KLF13: variants seen among roughly 807,000 people sequenced by gnomAD.
The protein encoded by KLF13 is Krueppel-like factor 13.
Under a neutral mutation model 16.7 loss-of-function variants are expected in KLF13, and 8 were observed. The ratio of observed to expected loss-of-function variants is 0.48; its 90% CI spans 0.28 to 0.87. The LOEUF is 0.87. KLF13 is among the 40% of genes least tolerant of loss of function. The pLI is 0.10. For missense variants in KLF13, 447 were observed against 452.2 expected (o/e 0.99, Z 0.10); for synonymous variants, 245 against 208.4 (o/e 1.18, Z -1.51).
exon 1 of KLF13, chr15:31,392,978 G>A (rs993145615): frequency 1.3e-5 from 2 of 152,990 alleles, no homozygotes; most frequent in Admixed American, 6.5e-5. Context: ...GCAAAGCAGA[G>A]CCCCTTTCCA....
At chr15:31,341,172 A>G (rs1268473484) in intron 1 of KLF13, among the ~76,000 whole-genome samples, 2 of 152,148 alleles carry the variant, frequency 1.3e-5, no homozygotes, top group Non-Finnish European at 1.5e-5. Flanking sequence ...GTTCTTTGTT[A>G]TCTAAACAGA....
intron 1 of KLF13, among the ~76,000 whole-genome samples, chr15:31,353,765 TG>T (rs1364861099): frequency 1.3e-5 from 2 of 152,156 alleles, no homozygotes; most frequent in Non-Finnish European, 2.9e-5. Context: ...AGTGGCTCGC[TG>T]TGGCCAAGCC....
chr15:31,352,930 C>T (rs34038541), intron 1 of KLF13, among the ~76,000 whole-genome samples: 21 of 152,128 alleles, frequency 1.4e-4, no homozygotes, highest in Non-Finnish European at 2.6e-4. Flanking sequence ...GACCGTGGAG[C>T]ATGACGAGGC....
intron 1 of KLF13, among the ~76,000 whole-genome samples, chr15:31,412,469 C>T (rs969433705): frequency 3.3e-5 from 5 of 151,384 alleles, no homozygotes; most frequent in Admixed American, 1.3e-4. Context: ...CAAAAAAAAA[C>T]CACTATGAAA....
At chr15:31,379,180 G>A (rs923951412), downstream of KLF13, among the ~76,000 whole-genome samples, 1 of 152,174 alleles carries the variant, frequency 6.6e-6, no homozygotes, top group Admixed American at 6.5e-5. Context: ...TCATAGACTG[G>A]GGGGAGGGAG....
At chr15:31,425,833 C>A (rs955794392) in intron 1 of KLF13, among the ~76,000 whole-genome samples, 1 of 151,990 alleles carries the variant, frequency 6.6e-6, no homozygotes, top group Non-Finnish European at 1.5e-5. Flanking sequence ...GCTGAGATCG[C>A]GCCACTGCAC....
intron 1 of KLF13, among the ~76,000 whole-genome samples, chr15:31,353,294 C>T (rs572514766): frequency 1.1e-4 from 16 of 152,334 alleles, no homozygotes; most frequent in South Asian, 6.2e-4. Context: ...GAGGAAGTCA[C>T]GCCCACGTTA....
chr15:31,367,003 C>G (rs1003428820), intron 1 of KLF13, among the ~76,000 whole-genome samples: 1 of 152,204 alleles, frequency 6.6e-6, no homozygotes, highest in African/African-American at 2.4e-5. Flanking sequence ...GACCTTTTTT[C>G]CATTTTAATT....
In KLF13 at chr15:31,372,145, G is replaced by A; in HGVS notation, c.713G>A (p.Arg238His). Residue 238 changes from arginine to histidine, a missense_variant, in exon 2 of 2, where the codon CGC becomes CAC. Coordinates refer to ENST00000307145, the MANE Select transcript of KLF13 (RefSeq NM_015995.4). ...SCPICEKRFM[R>H]SDHLTKHARR... is the part of the protein sequence containing the mutation. ...CCCATCTGCGAGAAGCGCTTCATGCGCAGCGACCACCTGACCAAGCACGCG... is the reference window on the plus strand; with the variant it reads ...CCCATCTGCGAGAAGCGCTTCATGCACAGCGACCACCTGACCAAGCACGCG... 2 of 1,612,998 alleles carry A rather than the reference G, an allele frequency of 1.2e-6. No homozygotes were observed. The highest frequency in any genetic ancestry group is 1.7e-6 in the Non-Finnish European group (2 of 1,179,946).
rs1491468052 is a variant in KLF13, at chr15:31,423,139, G to GTATATA, written n.118-12227_118-12226insTATATA. ...TATATATACGTATATATACGTATACGTATACGTATATATACGTATATATAT... is the reference window on the plus strand; with the variant it reads ...TATATATACGTATATATACGTATACGTATATATATACGTATATATACGTATATATAT... On this transcript the variant is annotated intron_variant and non_coding_transcript_variant, in intron 1 of 1. Transcript: ENST00000558225. Among the ~76,000 whole-genome samples, 9 of 15,156 alleles carry GTATATA rather than the reference G, an allele frequency of 5.9e-4. 1 individual carries two copies. Among genetic ancestry groups the GTATATA allele is most frequent in the Middle Eastern group, 0.033 (1 of 30 alleles). The allele number at this position is 15,156 out of a possible 152,430, so 9.9% of individuals were successfully genotyped here.
At chr15:31,389,078 G>T (rs569645765), upstream of KLF13, among the ~76,000 whole-genome samples, 2 of 152,094 alleles carry the variant, frequency 1.3e-5, no homozygotes, top group East Asian at 3.9e-4. Context: ...ATTTTCTCTT[G>T]CCTCTGCCAC....
intron 1 of KLF13, among the ~76,000 whole-genome samples, chr15:31,411,751 T>C (rs1003360631): frequency 1.3e-5 from 2 of 152,042 alleles, no homozygotes; most frequent in Non-Finnish European, 2.9e-5. Flanking sequence ...TATAGAAGTA[T>C]AAAGAGTACT....
chr15:31,391,987 C>G (rs1403530393), upstream of KLF13, among the ~76,000 whole-genome samples: 1 of 152,074 alleles, frequency 6.6e-6, no homozygotes, highest in Admixed American at 6.5e-5. Flanking sequence ...CGGGGGAGCC[C>G]TCGGCTGGGC....
chr15:31,332,628 G>A (rs956373116), intron 1 of KLF13, among the ~76,000 whole-genome samples: 1 of 152,240 alleles, frequency 6.6e-6, no homozygotes, highest in Non-Finnish European at 1.5e-5. Context: ...CAGCAGAGAT[G>A]GGGGCCTGAT....
chr15:31,388,863 T>C (rs1352530663), upstream of KLF13, among the ~76,000 whole-genome samples: 1 of 151,886 alleles, frequency 6.6e-6, no homozygotes, highest in Non-Finnish European at 1.5e-5. Context: ...ACTTTTTTTT[T>C]TTTTTTAGGG....
At chr15:31,366,796 A>T (rs1033953342) in intron 1 of KLF13, among the ~76,000 whole-genome samples, 1 of 117,036 alleles carries the variant, frequency 8.5e-6, no homozygotes, top group Admixed American at 8.6e-5. Context: ...GTCTGTCCCC[A>T]TAACAGCAGT....
At chr15:31,386,327 G>A (rs2039796019) in intron 1 of KLF13, among the ~76,000 whole-genome samples, 1 of 152,140 alleles carries the variant, frequency 6.6e-6, no homozygotes. Context: ...GTGAAACCCT[G>A]TTTCTACTAA....
rs141657738 is a variant in KLF13, at chr15:31,362,325, A to G, written c.578-9685A>G. Among the ~76,000 whole-genome samples, 285 of 152,316 alleles carry G rather than the reference A, an allele frequency of 1.9e-3. 1 individual carries two copies. The highest frequency in any genetic ancestry group is 6.5e-3 in the African/African-American group (269 of 41,570). On this transcript the variant is annotated intron_variant, in intron 1 of 1. Transcript: ENST00000307145. Reference sequence around the variant, plus strand: ...GTTTGCAGCGTGACCCAGGGGCTCTAAAGCCCTGGAGCCCTGCCCTGGGAA... The same window carrying G: ...GTTTGCAGCGTGACCCAGGGGCTCTGAAGCCCTGGAGCCCTGCCCTGGGAA...
intron 1 of KLF13, among the ~76,000 whole-genome samples, chr15:31,348,333 C>T (rs1057416366): frequency 2.6e-5 from 4 of 152,186 alleles, no homozygotes; most frequent in African/African-American, 9.7e-5. Context: ...GCCCAGCCTC[C>T]AGTGCCTTCC....
Sources: gnomAD v4.1 joint callset for allele counts (sites outside exome capture counted in the v4.1 genomes callset) on GRCh38, gnomAD v4.1.1 for gene constraint, MANE v1.5 for transcripts, NCBI Gene and HGNC (gene_info 2026-07-23, HGNC 2026-07-21) for gene names.